Variants in RRM1 observed in about 807,000 individuals in gnomAD.
RRM1 encodes the protein ribonucleoside-diphosphate reductase large subunit.
Under a neutral mutation model 101.5 loss-of-function variants are expected in RRM1, and 19 were observed. The ratio of observed to expected loss-of-function variants is 0.19; its 90% CI spans 0.13 to 0.27. The LOEUF (loss-of-function observed/expected upper bound fraction) is 0.27. Among genes scored for constraint, RRM1 ranks in the 10% least tolerant of loss-of-function variants. RRM1 has a pLI of 1.00. For synonymous variants in RRM1, 298 were observed against 323.4 expected (o/e 0.92, Z 0.84); for missense variants, 500 against 962.9 (o/e 0.52, Z 6.36).
chr11:4,095,444 G>A (rs1735053), intron 1 of RRM1, among the ~76,000 whole-genome samples: 138,647 of 152,120 alleles, frequency 0.91, 63,479 homozygotes, highest in South Asian at 0.96. Context: ...GTGACAATAC[G>A]GTTTGATTTG....
chr11:4,121,509 A>G, intron 9 of RRM1, 95 bp from the exon 10 acceptor site: 1 of 758,644 alleles, frequency 1.3e-6, no homozygotes, highest in Admixed American at 2.9e-5. Context: ...ATTGTAGTGA[A>G]AATCAAAGGA....
chr11:4,122,887 GA>G (rs1203243807), intron 11 of RRM1, among the ~76,000 whole-genome samples: 1 of 151,210 alleles, frequency 6.6e-6, no homozygotes, highest in Non-Finnish European at 1.5e-5. Flanking sequence ...AAAAAAAAAG[GA>G]AAAAAATTTA....
intron 1 of RRM1, among the ~76,000 whole-genome samples, chr11:4,095,338 C>T (rs2094542154): frequency 7.1e-6 from 1 of 140,422 alleles, no homozygotes; most frequent in African/African-American, 2.5e-5. Context: ...TATTTTATTC[C>T]TCCCTGCAAG....
Position 4,135,825 on chromosome 11 carries a change from G to A in RRM1, c.2190+555G>A, listed in dbSNP as rs1201310448. Among the ~76,000 whole-genome samples, 3 of 150,676 alleles carry A rather than the reference G, an allele frequency of 2.0e-5. No individual in the cohort carries two copies. The Admixed American group carries it at 2.0e-4, about 10-fold the overall frequency. Reference sequence around the variant, plus strand: ...GTTCTTATTCCCTGATAATGTATTGGGTATTTAAGTAGAATTATAAATTTG... The same window carrying A: ...GTTCTTATTCCCTGATAATGTATTGAGTATTTAAGTAGAATTATAAATTTG... On this transcript the variant is annotated intron_variant, in intron 18 of 18. Coordinates refer to ENST00000300738, the MANE Select transcript of RRM1 (RefSeq NM_001033.5).
chr11:4,095,299 A>T (rs1177948110), intron 1 of RRM1, among the ~76,000 whole-genome samples: 1 of 152,218 alleles, frequency 6.6e-6, no homozygotes, highest in East Asian at 1.9e-4. Context: ...TCGAGTAGTG[A>T]CTGCGTACGC....
chr11:4,136,496 A>G (rs2094610078), intron 18 of RRM1, among the ~76,000 whole-genome samples: 1 of 152,142 alleles, frequency 6.6e-6, no homozygotes, highest in Admixed American at 6.5e-5. Flanking sequence ...CTCGAATTAC[A>G]GGTGTGAGCC....
At chr11:4,123,582 G>A (rs1337128222) in intron 12 of RRM1, among the ~76,000 whole-genome samples, 198 bp downstream of exon 12, 2 of 152,324 alleles carry the variant, frequency 1.3e-5, no homozygotes, top group East Asian at 3.9e-4. Context: ...AGTCTAAGCC[G>A]TGTGGGAAAG....
chr11:4,098,526 T>A (rs1201747029), intron 1 of RRM1, among the ~76,000 whole-genome samples: 1 of 152,134 alleles, frequency 6.6e-6, no homozygotes, highest in Middle Eastern at 3.4e-3. Flanking sequence ...TAGGCAGACA[T>A]GGTTCCAGCT....
chr11:4,107,511 G>T lies in RRM1; in HGVS notation c.363G>T (p.Leu121Phe), dbSNP rs1264222666. ...KHSPMVAKSTLDIVLANKDRL... is the reference protein window; with the variant it reads ...KHSPMVAKSTFDIVLANKDRL... Reference sequence around the variant, plus strand: ...CTCCCATGGTGGCCAAGTCAACATTGGATATTGTTCTGGCCAATAAAGATG... The same window carrying T: ...CTCCCATGGTGGCCAAGTCAACATTTGATATTGTTCTGGCCAATAAAGATG... The change falls in exon 4 of 19, where the codon TTG becomes TTT. Residue 121 changes from leucine to phenylalanine, a missense_variant. By Grantham distance (22) the Leu-to-Phe change is conservative. Around this residue, in one of 9 missense-constraint regions of RRM1, gnomAD observed 41 missense variants for 40.7 expected, o/e 1.01. Transcript: ENST00000300738. 1 of 1,612,998 alleles carries T rather than the reference G, an allele frequency of 6.2e-7. No individual in the cohort carries two copies. The highest frequency in any genetic ancestry group is 8.5e-7 in the Non-Finnish European group (1 of 1,179,078).
chr11:4,136,894 T>C (rs1270917228), intron 18 of RRM1, among the ~76,000 whole-genome samples: 5 of 151,694 alleles, frequency 3.3e-5, no homozygotes, highest in Admixed American at 3.3e-4. Flanking sequence ...GTCTCTGGTT[T>C]TCCTAGGCAG....
At position 4,132,699 on chromosome 11, in the gene RRM1, G is replaced by A. The variant is rs2094602486; in HGVS notation, c.1905+278G>A. On this transcript the variant is annotated intron_variant, in intron 16 of 18. Transcript: ENST00000300738. The surrounding 1 kb of genome is among the most constrained non-coding windows in gnomAD (Gnocchi z 4.1). ...TGTTTAACCATTATGTAATCATAGTGATATATTCTATAACTTCTCCCAGAT... is the reference window on the plus strand; with the variant it reads ...TGTTTAACCATTATGTAATCATAGTAATATATTCTATAACTTCTCCCAGAT... Among the ~76,000 whole-genome samples the A allele has an allele frequency of 6.6e-6, 1 of 152,160 alleles. No individual in the cohort carries two copies. The highest frequency in any genetic ancestry group is 2.4e-5 in the African/African-American group (1 of 41,434).
rs191483295 is a variant in RRM1 at position 4,136,674 on chromosome 11, G to A, written c.2190+1404G>A. On this transcript the variant is annotated intron_variant, in intron 18 of 18. Transcript: ENST00000300738. ...CTGAGTAGCTGAAATTTATAGGCATGTACTACCCCTCTTGGGGGATTACAG... is the reference window on the plus strand; with the variant it reads ...CTGAGTAGCTGAAATTTATAGGCATATACTACCCCTCTTGGGGGATTACAG... 1.7e-3 allele frequency among the ~76,000 whole-genome samples: 258 copies of A among 152,168 alleles called. 4 individuals are homozygous for A. The highest frequency in any genetic ancestry group is 1.2e-3 in the East Asian group (6 of 5,186).
chr11:4,118,192 T>A (rs910932243), intron 7 of RRM1, 128 bp from the exon 8 acceptor site: 69 of 918,704 alleles, frequency 7.5e-5, no homozygotes, highest in Admixed American at 1.7e-4. Context: ...TCTTTGAAAA[T>A]CATTTAGGAA....
Position 4,099,664 on chromosome 11 carries a change from C to G in RRM1, c.20-2329C>G, listed in dbSNP as rs553755401. 1.6e-4 allele frequency among the ~76,000 whole-genome samples: 24 copies of G among 151,974 alleles called. No homozygotes were observed. The East Asian group carries it at 1.7e-3, about 11-fold the overall frequency. On this transcript the variant is annotated intron_variant, in intron 1 of 18. Coordinates refer to ENST00000300738, the MANE Select transcript of RRM1 (RefSeq NM_001033.5). ...AGGGAACAGTTGAAGAGATCTGGGG[C>G]CAAACTAAGAAAGGCTTTGCTTGAG...
chr11:4,110,843 G>A (rs1222825268), intron 5 of RRM1, among the ~76,000 whole-genome samples: 2 of 151,072 alleles, frequency 1.3e-5, no homozygotes, highest in East Asian at 2.0e-4. Context: ...CATTTAATCC[G>A]CTGAGGAATC....
chr11:4,101,674 C>T (rs537476281), intron 1 of RRM1, among the ~76,000 whole-genome samples: 1 of 151,814 alleles, frequency 6.6e-6, no homozygotes, highest in African/African-American at 2.4e-5. Flanking sequence ...TCATAAGCCA[C>T]TATTAGGAGT....
At chr11:4,112,163 T>C in intron 7 of RRM1, 101 bp downstream of exon 7, 1 of 809,152 alleles carries the variant, frequency 1.2e-6, no homozygotes. Flanking sequence ...AGCTGCCTGC[T>C]CTGATTAAAT....
chr11:4,127,324 A>G, intron 14 of RRM1, 68 bp downstream of exon 14: 1 of 964,430 alleles, frequency 1.0e-6, no homozygotes, highest in Non-Finnish European at 1.5e-6. Flanking sequence ...GACCCCACAA[A>G]AGGATATGTC....
chr11:4,127,280 T>C (rs1228973197), intron 14 of RRM1, 24 bp downstream of exon 14: 2 of 1,503,234 alleles, frequency 1.3e-6, no homozygotes, highest in African/African-American at 2.8e-5. Flanking sequence ...TGGAATTGTT[T>C]TTGCCTGTGA....
Sources: gnomAD v4.1 joint callset for allele counts (sites outside exome capture counted in the v4.1 genomes callset) on GRCh38, gnomAD v4.1.1 for gene constraint, gnomAD v4.1.1 regional missense constraint, Gnocchi (gnomAD v3.1) non-coding constraint, MANE v1.5 for transcripts, NCBI Gene and HGNC (gene_info 2026-07-23, HGNC 2026-07-21) for gene names.